Variants in GPHN observed in about 807,000 individuals in gnomAD.
GPHN encodes the protein gephyrin.
A neutral mutation model predicts 95.5 loss-of-function variants in GPHN; 17 were observed. The observed-to-expected ratio is 0.18, with a 90% CI of 0.12 to 0.27. The LOEUF (loss-of-function observed/expected upper bound fraction) is 0.27, where lower values mean the gene tolerates loss of function less well. GPHN is among the 10% of genes least tolerant of loss of function. The pLI, the probability that GPHN is intolerant of heterozygous loss-of-function variation, is 1.00. For synonymous variants in GPHN, 320 were observed against 322.5 expected, an observed-to-expected ratio of 0.99 and a Z score of 0.08; for missense variants, 660 against 978.1, an observed-to-expected ratio of 0.67 and a Z score of 4.34.
intron 1 of GPHN, among the ~76,000 whole-genome samples, chr14:66,638,141 G>C (rs2064201107): frequency 6.6e-6 from 1 of 151,884 alleles, no homozygotes; most frequent in African/African-American, 2.4e-5. Flanking sequence ...ATTATTATTA[G>C]AATTATTTCA....
chr14:67,645,016 T>A, the GPHN span, among the ~76,000 whole-genome samples: 753 of 121,918 alleles, frequency 6.2e-3, 8 homozygotes, highest in African/African-American at 0.022. Context: ...AAAAAAAAAA[T>A]TGAATGCCAT....
intron 11 of GPHN, among the ~76,000 whole-genome samples, chr14:67,077,183 A>G (rs916810034): frequency 6.6e-6 from 1 of 152,130 alleles, no homozygotes; most frequent in African/African-American, 2.4e-5. Flanking sequence ...CAATTATGTA[A>G]AACCATCACA....
In GPHN at chr14:67,058,696, T is replaced by C; in HGVS notation, c.1054T>C (p.Ser352Pro). The C allele has an allele frequency of 6.2e-7, 1 of 1,613,384 alleles. No individual in the cohort carries two copies. Among genetic ancestry groups the C allele is most frequent in the East Asian group, 2.2e-5 (1 of 44,874 alleles). The change falls in exon 11 of 23, where the codon TCT becomes CCT. Residue 352 changes from serine (S) to proline (P), a missense_variant. This residue lies in a region of GPHN where 190 missense variants were observed against 224.7 expected (regional missense o/e 0.85). Coordinates refer to ENST00000478722, the MANE Select transcript of GPHN (RefSeq NM_020806.5). ...ITKVARRHRMSPFPLTSMDKA... is the reference protein window; with the variant it reads ...ITKVARRHRMPPFPLTSMDKA... ...CAAGGTGGCTAGAAGACATCGCATG[T>C]CTCCTTTTCCTCTGACATCTATGGA...
intron 4 of GPHN, among the ~76,000 whole-genome samples, chr14:66,870,596 G>T (rs1447949135): frequency 6.6e-6 from 1 of 152,066 alleles, no homozygotes; most frequent in Non-Finnish European, 1.5e-5. Flanking sequence ...TATTTTAGAT[G>T]GCTTACCCAA....
chr14:67,374,457 T>A, the GPHN span: 1 of 1,567,182 alleles, frequency 6.4e-7, no homozygotes, highest in Non-Finnish European at 8.7e-7. Flanking sequence ...TTTCACAATT[T>A]TTTTGTACAG....
intron 10 of GPHN, among the ~76,000 whole-genome samples, chr14:67,050,596 C>T (rs2075261680): frequency 1.3e-5 from 2 of 151,912 alleles, no homozygotes; most frequent in African/African-American, 2.4e-5. Context: ...CAAGGTATAA[C>T]ATTACTTTAG....
intron 1 of GPHN, among the ~76,000 whole-genome samples, chr14:66,600,814 AAGC>A (rs1456217070): frequency 6.6e-6 from 1 of 152,076 alleles, no homozygotes; most frequent in Non-Finnish European, 1.5e-5. Flanking sequence ...AGCAGAAACA[AAGC>A]AGAGCATTTG....
the GPHN span, among the ~76,000 whole-genome samples, chr14:67,495,586 G>A: frequency 6.6e-6 from 1 of 151,856 alleles, no homozygotes; most frequent in Non-Finnish European, 1.5e-5. Context: ...AGATTCAAGC[G>A]ATTCTCCTGC....
chr14:67,651,457 A>AAGC, the GPHN span: 1 of 1,613,918 alleles, frequency 6.2e-7, no homozygotes, highest in Admixed American at 1.7e-5. Context: ...TGATAATGGA[A>AAGC]AGCAGCAGCT....
the GPHN span, chr14:67,585,856 T>A: frequency 4.5e-6 from 6 of 1,338,226 alleles, no homozygotes; most frequent in Non-Finnish European, 6.2e-6. Context: ...TTGGGAGTTC[T>A]CCTTTCCTGT....
chr14:67,272,298 T>G, the GPHN span, among the ~76,000 whole-genome samples: 12 of 152,196 alleles, frequency 7.9e-5, no homozygotes, highest in Non-Finnish European at 1.5e-4. Context: ...ATTTGTACTT[T>G]CCCCTCACAC....
chr14:67,697,292 C>T, the GPHN span, among the ~76,000 whole-genome samples: 46 of 152,254 alleles, frequency 3.0e-4, 1 homozygote, highest in African/African-American at 1.1e-3. Flanking sequence ...AGTTCTAGAT[C>T]AGGAGAGGCT....
the GPHN span, among the ~76,000 whole-genome samples, chr14:67,577,685 G>A: frequency 6.6e-6 from 1 of 152,180 alleles, no homozygotes; most frequent in Non-Finnish European, 1.5e-5. Context: ...CAGAAAAGGC[G>A]AGGTTTATGT....
intron 17 of GPHN, among the ~76,000 whole-genome samples, chr14:67,128,844 C>T (rs1366208727): frequency 1.4e-4 from 20 of 146,582 alleles, no homozygotes; most frequent in African/African-American, 2.8e-4. Flanking sequence ...GACGGAGTTT[C>T]GCTGTTGTTG....
At chr14:66,708,505 C>T (rs531085556) in intron 2 of GPHN, among the ~76,000 whole-genome samples, 76 of 152,282 alleles carry the variant, frequency 5.0e-4, no homozygotes, top group African/African-American at 1.8e-3. Flanking sequence ...TAGAGGCATC[C>T]ACCAACCATT....
At chr14:66,718,996 G>C (rs942846815) in intron 2 of GPHN, among the ~76,000 whole-genome samples, 1 of 152,146 alleles carries the variant, frequency 6.6e-6, no homozygotes, top group Non-Finnish European at 1.5e-5. Context: ...GGGAAAGCCG[G>C]CAGTCACAGG....
the GPHN span, among the ~76,000 whole-genome samples, chr14:67,688,010 T>C: frequency 6.6e-6 from 1 of 152,110 alleles, no homozygotes; most frequent in Admixed American, 6.6e-5. Flanking sequence ...TGACCTCAGG[T>C]GATCCACCAG....
intron 1 of GPHN, among the ~76,000 whole-genome samples, chr14:66,596,643 C>T (rs965186248): frequency 2.6e-5 from 4 of 152,212 alleles, no homozygotes; most frequent in African/African-American, 4.8e-5. Flanking sequence ...AAAATTGGAG[C>T]GGGTGTTTGT....
the GPHN span, among the ~76,000 whole-genome samples, chr14:67,394,620 G>A: frequency 1.3e-5 from 2 of 152,062 alleles, no homozygotes; most frequent in Non-Finnish European, 2.9e-5. Flanking sequence ...GTGAGCCCAG[G>A]AATGGATTCA....
Sources: allele counts gnomAD v4.1 joint callset (sites outside exome capture counted in the v4.1 genomes callset), GRCh38; gene constraint gnomAD v4.1.1; regional missense constraint gnomAD v4.1.1; transcripts MANE v1.5; gene names NCBI Gene and HGNC (gene_info 2026-07-23, HGNC 2026-07-21).